Variants in CMSS1 observed in about 807,000 individuals in gnomAD.
CMSS1 encodes the protein protein CMSS1.
In CMSS1, 33 loss-of-function variants were observed where a neutral mutation model predicts 43.5. That is an observed-to-expected ratio of 0.76 (90% CI 0.57 to 1.01). CMSS1 has a LOEUF of 1.01. Among genes scored for constraint, CMSS1 ranks in the 50% least tolerant of loss-of-function variants. The pLI, the probability that CMSS1 is intolerant of heterozygous loss-of-function variation, is 0.00. For missense variants in CMSS1, 313 were observed against 326.4 expected, an observed-to-expected ratio of 0.96 and a Z score of 0.32; for synonymous variants, 115 against 117.2, an observed-to-expected ratio of 0.98 and a Z score of 0.12.
At chr3:99,840,385 G>A (rs1379561275) in intron 1 of CMSS1, among the ~76,000 whole-genome samples, 3 of 151,736 alleles carry the variant, frequency 2.0e-5, no homozygotes, top group South Asian at 2.1e-4. Flanking sequence ...CACCATGCCC[G>A]GCTAATTTTT....
chr3:100,011,149 T>A (rs1412045952), intron 1 of CMSS1, among the ~76,000 whole-genome samples: 2 of 152,128 alleles, frequency 1.3e-5, no homozygotes, highest in African/African-American at 2.4e-5. Flanking sequence ...GACAGCAAAT[T>A]ACTTTTCCCT....
At chr3:99,983,440 ATGTATGTATATATATATATGTG>A (rs1559713538) in intron 1 of CMSS1, among the ~76,000 whole-genome samples, 1 of 37,910 alleles carries the variant, frequency 2.6e-5, no homozygotes, top group African/African-American at 9.4e-5. Flanking sequence ...ATGTATATAT[ATGTATGTATATATATATATGTG>A]TGTATATATA....
intron 1 of CMSS1, among the ~76,000 whole-genome samples, chr3:99,926,359 T>A (rs1291455462): frequency 2.6e-5 from 4 of 152,272 alleles, no homozygotes; most frequent in African/African-American, 9.6e-5. Context: ...ACTGCTATGT[T>A]GTATTGCCTG....
At chr3:100,039,821 T>G (rs1192107939) in intron 1 of CMSS1, 3 of 151,680 alleles carry the variant, frequency 2.0e-5, no homozygotes. Flanking sequence ...TGGCATGATC[T>G]CGGCTCACTG....
rs78070875 is a variant in CMSS1, at chr3:99,838,865, C to A, written c.64+20822C>A. ...GTTTTTTGCCCTCTCTTTTATGTTA[C>A]CTCACTATGCAGAAACCTTCTGTGA... On this transcript the variant is annotated intron_variant, in intron 1 of 9. Transcript: ENST00000421999. Among the ~76,000 whole-genome samples the A allele has an allele frequency of 3.8e-3, 576 of 152,166 alleles. 3 individuals are homozygous for A. Among genetic ancestry groups the A allele is most frequent in the African/African-American group, 0.013 (548 of 41,506 alleles).
At chr3:100,143,531 T>C (rs1030509701) in intron 1 of CMSS1, among the ~76,000 whole-genome samples, 3 of 151,930 alleles carry the variant, frequency 2.0e-5, no homozygotes, top group Non-Finnish European at 2.9e-5. Flanking sequence ...CCGTTGTTGA[T>C]TGGATTCTTC....
intron 1 of CMSS1, among the ~76,000 whole-genome samples, chr3:100,047,974 T>C (rs2065304806): frequency 6.6e-6 from 1 of 152,186 alleles, no homozygotes; most frequent in African/African-American, 2.4e-5. Context: ...GTCCCTCCTA[T>C]AGTGTAAATA....
At chr3:99,933,280 C>T (rs1383257108) in intron 1 of CMSS1, among the ~76,000 whole-genome samples, 4 of 152,080 alleles carry the variant, frequency 2.6e-5, no homozygotes, top group Non-Finnish European at 5.9e-5. Context: ...TTTACAAATA[C>T]GGTATAGATG....
chr3:99,931,738 T>A (rs1200645183), intron 1 of CMSS1, among the ~76,000 whole-genome samples: 1 of 152,196 alleles, frequency 6.6e-6, no homozygotes, highest in Non-Finnish European at 1.5e-5. Context: ...CTACCTAACG[T>A]AGTTGGCCAT....
intron 1 of CMSS1, among the ~76,000 whole-genome samples, chr3:99,941,077 G>T (rs1707836426): frequency 6.6e-6 from 1 of 152,194 alleles, no homozygotes; most frequent in South Asian, 2.1e-4. Flanking sequence ...AAGCATATAA[G>T]TTTAGTCTGA....
intron 2 of CMSS1, among the ~76,000 whole-genome samples, chr3:100,159,335 G>A (rs764738166): frequency 3.3e-5 from 5 of 152,062 alleles, no homozygotes; most frequent in Non-Finnish European, 7.4e-5. Context: ...TTGAAACTGC[G>A]GGTCTTTGGC....
At chr3:100,093,864 TCTA>T (rs1413023824) in intron 1 of CMSS1, among the ~76,000 whole-genome samples, 2 of 152,236 alleles carry the variant, frequency 1.3e-5, no homozygotes, top group African/African-American at 4.8e-5. Flanking sequence ...TGAAGAGTTA[TCTA>T]GGACATCTGA....
intron 1 of CMSS1, among the ~76,000 whole-genome samples, chr3:100,127,570 A>C (rs1243921395): frequency 2.6e-5 from 4 of 152,210 alleles, no homozygotes; most frequent in African/African-American, 7.2e-5. Context: ...CATTTGCACA[A>C]AATTCCCCAG....
intron 1 of CMSS1, among the ~76,000 whole-genome samples, chr3:100,138,738 G>C (rs974271071): frequency 6.6e-6 from 1 of 152,196 alleles, no homozygotes; most frequent in East Asian, 1.9e-4. Context: ...TACACTGTTG[G>C]TGGGAGTGTA....
intron 1 of CMSS1, among the ~76,000 whole-genome samples, chr3:99,991,832 A>ATG (rs1454706806): frequency 1.2e-5 from 1 of 81,162 alleles, no homozygotes; most frequent in African/African-American, 4.4e-5. Flanking sequence ...GTGTATATAT[A>ATG]TATATGTGTG....
chr3:99,976,266 A>G (rs1365209191), intron 1 of CMSS1, among the ~76,000 whole-genome samples: 1 of 152,230 alleles, frequency 6.6e-6, no homozygotes, highest in Non-Finnish European at 1.5e-5. Context: ...TGAGGAGAGT[A>G]AAAAGATACT....
chr3:99,987,996 T>A (rs1709396360), intron 1 of CMSS1, among the ~76,000 whole-genome samples: 1 of 152,166 alleles, frequency 6.6e-6, no homozygotes, highest in Non-Finnish European at 1.5e-5. Flanking sequence ...CTCTTTTTTC[T>A]CTAATCAAAT....
intron 2 of CMSS1, among the ~76,000 whole-genome samples, chr3:100,153,574 T>C (rs1222968466): frequency 6.6e-6 from 1 of 152,042 alleles, no homozygotes; most frequent in East Asian, 1.9e-4. Context: ...GTCTTTTCTC[T>C]GTCTGTGCAT....
At chr3:99,873,772 T>G (rs1391231665) in intron 1 of CMSS1, among the ~76,000 whole-genome samples, 1 of 152,210 alleles carries the variant, frequency 6.6e-6, no homozygotes, top group Non-Finnish European at 1.5e-5. Flanking sequence ...AGTCAAGGCT[T>G]GATTTGTGTT....
Sources: allele counts gnomAD v4.1 joint callset (sites outside exome capture counted in the v4.1 genomes callset), GRCh38; gene constraint gnomAD v4.1.1; transcripts MANE v1.5; gene names NCBI Gene and HGNC (gene_info 2026-07-23, HGNC 2026-07-21).